Variants in SKIL observed in about 807,000 individuals in gnomAD.
SKIL encodes the protein SKI like proto-oncogene, also known as ski-like protein.
A neutral mutation model predicts 69.6 loss-of-function variants in SKIL; 20 were observed. The ratio of observed to expected loss-of-function variants is 0.29; its 90% CI spans 0.20 to 0.42. The LOEUF (loss-of-function observed/expected upper bound fraction) is 0.42, where lower values mean the gene tolerates loss of function less well. SKIL is among the 10% of genes least tolerant of loss of function. The probability of loss-of-function intolerance (pLI) is 1.00; values close to 1 mark genes in which losing one functional copy is unlikely to be tolerated. For synonymous variants in SKIL, 310 were observed against 279.9 expected, an observed-to-expected ratio of 1.11 and a Z score of -1.08; for missense variants, 745 against 783.1, an observed-to-expected ratio of 0.95 and a Z score of 0.58.
At chr3:170,381,205 T>A (rs770315142) in intron 2 of SKIL, 39 bp from the exon 3 acceptor site, 1 of 1,111,928 alleles carries the variant, frequency 9.0e-7, no homozygotes, top group East Asian at 2.3e-5. Flanking sequence ...CTTCACAGTT[T>A]TACTTCAATA....
chr3:170,363,692 C>G (rs1483151232), intron 2 of SKIL, among the ~76,000 whole-genome samples: 2 of 152,076 alleles, frequency 1.3e-5, no homozygotes, highest in African/African-American at 2.4e-5. Flanking sequence ...GCCATGTTAG[C>G]TAGGCTGGTC....
At chr3:170,370,553 GAA>G (rs1736759843) in intron 2 of SKIL, among the ~76,000 whole-genome samples, 1 of 145,742 alleles carries the variant, frequency 6.9e-6, no homozygotes, top group African/African-American at 2.5e-5. Context: ...GGATAACAGT[GAA>G]GTCTAAGTGG....
At chr3:170,377,046 T>C (rs1482698314) in intron 2 of SKIL, among the ~76,000 whole-genome samples, 1 of 152,184 alleles carries the variant, frequency 6.6e-6, no homozygotes, top group African/African-American at 2.4e-5. Context: ...CCTCTCTCCT[T>C]AGGCTGTCAG....
Position 170,395,037 on chromosome 3 carries a change from T to G in SKIL, c.*2620T>G, listed in dbSNP as rs143439167. On this transcript the variant is annotated 3_prime_UTR_variant, in exon 7 of 7. Coordinates refer to ENST00000259119, the MANE Select transcript of SKIL (RefSeq NM_005414.5). ...CTTTTAAGAAAAAATGTAAAAATGT[T>G]TATTCTAAAAAGCTGCATTAAAGGG... 15 of 152,290 alleles carry G rather than the reference T, an allele frequency of 9.8e-5. No individual in the cohort carries two copies. In the East Asian group the frequency reaches 2.9e-3, roughly 29 times the overall value. The allele number at this position is 152,290 out of a possible 1,614,324, so 9.4% of individuals were successfully genotyped here.
Position 170,368,222 on chromosome 3 carries a change from G to T in SKIL, c.1098+6793G>T, listed in dbSNP as rs182964184. ...ATATTTTGCAATTAGCAAAATTTTT[G>T]ATCAAGTGGGGATAAGTTGAGAGTC... On this transcript the variant is annotated intron_variant, in intron 2 of 6. Coordinates refer to ENST00000259119, the MANE Select transcript of SKIL (RefSeq NM_005414.5). Among the ~76,000 whole-genome samples the T allele has an allele frequency of 9.5e-4, 145 of 152,284 alleles. 3 individuals are homozygous for T. In the East Asian group the frequency reaches 0.022, roughly 23 times the overall value.
intron 1 of SKIL, chr3:170,358,413 C>G (rs1023244383): frequency 6.6e-6 from 1 of 152,364 alleles, no homozygotes; most frequent in African/African-American, 2.4e-5. Context: ...CACCCCCTTG[C>G]ACACCCACCC....
rs1738016396 is a variant in SKIL, at chr3:170,393,238, A to T, written c.*821A>T. On this transcript the variant is annotated 3_prime_UTR_variant, in exon 7 of 7. Coordinates refer to ENST00000259119, the MANE Select transcript of SKIL (RefSeq NM_005414.5). ...AAAACTGATACCACTGTTGTGTATC[A>T]GTTTCTATACAATCCATAATCCTCC... 1 of 152,198 alleles carries T rather than the reference A, an allele frequency of 6.6e-6. No homozygotes were observed. Among genetic ancestry groups the T allele is most frequent in the African/African-American group, 2.4e-5 (1 of 41,452 alleles). The allele number at this position is 152,198 out of a possible 1,614,324, so 9.4% of individuals were successfully genotyped here.
At chr3:170,377,495 A>G (rs1224419509) in intron 2 of SKIL, among the ~76,000 whole-genome samples, 2 of 122,728 alleles carry the variant, frequency 1.6e-5, no homozygotes, top group African/African-American at 3.1e-5. Context: ...TTTTTTTCTT[A>G]TAATTTTGAG....
Position 170,381,286 on chromosome 3 carries a change from G to A in SKIL, c.1141G>A (p.Val381Ile). ...SGMELQSWYPVIKQEGDHVSQ... is the reference protein window; with the variant it reads ...SGMELQSWYPIIKQEGDHVSQ... ...AATGGAATTACAGTCATGGTATCCT[G>A]TTATAAAGCAGGAAGGTGACCATGT... Residue 381 changes from valine to isoleucine, a missense_variant, in exon 3 of 7, where the codon GTT (valine) becomes ATT (isoleucine). Physicochemically the swap from Val to Ile is conservative, Grantham distance 29. Coordinates refer to ENST00000259119, the MANE Select transcript of SKIL (RefSeq NM_005414.5). 1.9e-6 allele frequency: 3 copies of A among 1,601,450 alleles called. No homozygotes were observed. The highest frequency in any genetic ancestry group is 2.6e-6 in the Non-Finnish European group (3 of 1,168,538).
chr3:170,365,752 C>CTTTTTTTTTTTTTTTTTTTTTTTT (rs59222162), intron 2 of SKIL, among the ~76,000 whole-genome samples: 11 of 106,450 alleles, frequency 1.0e-4, no homozygotes, highest in East Asian at 5.5e-4. Flanking sequence ...TCAAACTAGG[C>CTTTTTTTTTTTTTTTTTTTTTTTT]TTTTTTTTTT....
chr3:170,365,572 A>G (rs567044702), intron 2 of SKIL, among the ~76,000 whole-genome samples: 1 of 152,304 alleles, frequency 6.6e-6, no homozygotes, highest in East Asian at 1.9e-4. Flanking sequence ...TTCAGCCTCT[A>G]TGATGGTTCT....
intron 2 of SKIL, among the ~76,000 whole-genome samples, chr3:170,367,497 G>A (rs896215805): frequency 2.0e-4 from 26 of 129,192 alleles, no homozygotes; most frequent in African/African-American, 7.0e-4. Flanking sequence ...ATGGAGTTTC[G>A]CCCTTGTTGC....
chr3:170,384,382 C>A, intron 3 of SKIL, 151 bp from the exon 4 acceptor site: 1 of 525,424 alleles, frequency 1.9e-6, no homozygotes, highest in Non-Finnish European at 3.4e-6. Context: ...CCTAAGAATT[C>A]TTTACTGTGA....
chr3:170,365,515 CAG>C (rs1736457213), intron 2 of SKIL, among the ~76,000 whole-genome samples: 1 of 152,090 alleles, frequency 6.6e-6, no homozygotes, highest in African/African-American at 2.4e-5. Context: ...CTGAAAAAAT[CAG>C]AAATTCAAAA....
chr3:170,369,082 ATTTTTTTTTT>A (rs55652320), intron 2 of SKIL, among the ~76,000 whole-genome samples: 2 of 126,770 alleles, frequency 1.6e-5, no homozygotes, highest in African/African-American at 3.0e-5. Flanking sequence ...TATCCCTGGC[ATTTTTTTTTT>A]TTTTTTTTTT....
At chr3:170,373,353 A>G (rs1487056752) in intron 2 of SKIL, among the ~76,000 whole-genome samples, 2 of 151,836 alleles carry the variant, frequency 1.3e-5, no homozygotes. Context: ...CTAATTTTAT[A>G]TTTTTAGTAG....
intron 2 of SKIL, among the ~76,000 whole-genome samples, chr3:170,364,131 T>C (rs1210290778): frequency 6.6e-6 from 1 of 151,930 alleles, no homozygotes; most frequent in Admixed American, 6.6e-5. Flanking sequence ...CTTTTGTATT[T>C]TAGTAGAGAG....
chr3:170,387,787 A>T (rs1337903340), intron 4 of SKIL, among the ~76,000 whole-genome samples: 2 of 128,314 alleles, frequency 1.6e-5, no homozygotes, highest in Non-Finnish European at 1.8e-5. Context: ...CAAAAAAATT[A>T]GCCGGGCGTA....
chr3:170,376,080 C>T (rs1409565126), intron 2 of SKIL, among the ~76,000 whole-genome samples: 1 of 117,092 alleles, frequency 8.5e-6, no homozygotes, highest in Non-Finnish European at 1.6e-5. Flanking sequence ...CGGAGTTTCA[C>T]TGTCTTGCCC....
Sources: gnomAD v4.1 joint callset for allele counts (sites outside exome capture counted in the v4.1 genomes callset) on GRCh38, gnomAD v4.1.1 for gene constraint, MANE v1.5 for transcripts, NCBI Gene and HGNC (gene_info 2026-07-23, HGNC 2026-07-21) for gene names.